The following STAG1 variants were observed in gnomAD, a reference collection of about 807,000 sequenced individuals.
The protein encoded by STAG1 is STAG1 cohesin complex component, also known as cohesin subunit SA-1.
A neutral mutation model predicts 170.9 loss-of-function variants in STAG1; 26 were observed. The ratio of observed to expected loss-of-function variants is 0.15; its 90% confidence interval spans 0.11 to 0.21. STAG1 has a LOEUF of 0.21. STAG1 is among the 10% of genes least tolerant of loss of function. The pLI is 1.00. For synonymous variants in STAG1, 514 were observed against 497.7 expected (o/e 1.03, Z -0.44); for missense variants, 964 against 1,509.5 (o/e 0.64, Z 5.99).
chr3:136,657,193 T>C (rs9839574), intron 1 of STAG1, among the ~76,000 whole-genome samples: 3,534 of 71,874 alleles, frequency 0.049, 41 homozygotes, highest in African/African-American at 0.084. Flanking sequence ...TTCTTTCTTT[T>C]TTTTTTTTTT....
chr3:136,512,225 T>A (rs833861), intron 7 of STAG1, among the ~76,000 whole-genome samples: 56,514 of 151,740 alleles, frequency 0.37, 13,104 homozygotes, highest in East Asian at 0.81. Context: ...AGGGTCAATT[T>A]AGCCCAGGAG....
intron 1 of STAG1, among the ~76,000 whole-genome samples, chr3:136,719,649 AGGTGGGTGGGTGGGTAGGTG>A (rs1321310165): frequency 5.3e-5 from 1 of 18,730 alleles, no homozygotes; most frequent in Non-Finnish European, 1.1e-4. Flanking sequence ...GTAGGTGGGT[AGGTGGGTGGGTGGGTAGGTG>A]GGTGGGTGGG....
chr3:136,421,023 G>T, intron 20 of STAG1, 70 bp downstream of exon 20: 2 of 882,352 alleles, frequency 2.3e-6, no homozygotes, highest in South Asian at 1.9e-5. Context: ...TGCCCATCTC[G>T]GCCTCTCAAA....
chr3:136,700,555 G>T (rs1943025404), intron 1 of STAG1, among the ~76,000 whole-genome samples: 1 of 150,576 alleles, frequency 6.6e-6, no homozygotes, highest in East Asian at 2.0e-4. Context: ...AAGCAGCTGG[G>T]ATTACAGGTG....
chr3:136,580,173 T>G lies in STAG1; in HGVS notation c.298-11312A>C, dbSNP rs562691753. ...TAGTAGAGATGAGGTTTCATCATGTTGGCCAGGATGGTCTTGATCTCTTGA... is the reference window on the plus strand; with the variant it reads ...TAGTAGAGATGAGGTTTCATCATGTGGGCCAGGATGGTCTTGATCTCTTGA... On this transcript the variant is annotated intron_variant, in intron 4 of 33. Coordinates refer to ENST00000383202, the MANE Select transcript of STAG1 (RefSeq NM_005862.3). 2.0e-5 allele frequency among the ~76,000 whole-genome samples: 3 copies of G among 152,174 alleles called. No homozygotes were observed. The East Asian group carries it at 5.8e-4, about 29-fold the overall frequency.
chr3:136,481,026 CAG>C (rs2089891514), intron 9 of STAG1, among the ~76,000 whole-genome samples: 1 of 118,548 alleles, frequency 8.4e-6, no homozygotes, highest in African/African-American at 3.0e-5. Flanking sequence ...CGTCTGCAAA[CAG>C]GGACAATTTG....
At chr3:136,551,502 ACTC>A (rs1936403166) in intron 5 of STAG1, among the ~76,000 whole-genome samples, 1 of 140,442 alleles carries the variant, frequency 7.1e-6, no homozygotes, top group South Asian at 2.2e-4. Flanking sequence ...CTACTCTAGA[ACTC>A]CTCAACTGAA....
At chr3:136,624,822 T>A (rs1047817019) in intron 2 of STAG1, among the ~76,000 whole-genome samples, 1 of 152,188 alleles carries the variant, frequency 6.6e-6, no homozygotes, top group Non-Finnish European at 1.5e-5. Flanking sequence ...AGGTGGGAAG[T>A]GACAAACAGT....
intron 6 of STAG1, among the ~76,000 whole-genome samples, chr3:136,537,480 TC>T (rs1935687843): frequency 6.6e-6 from 1 of 151,260 alleles, no homozygotes; most frequent in Admixed American, 6.6e-5. Context: ...CCTAATAGTG[TC>T]TTTTTTTTGT....
At chr3:136,463,848 T>C (rs1412802843) in intron 13 of STAG1, among the ~76,000 whole-genome samples, 1 of 146,002 alleles carries the variant, frequency 6.8e-6, no homozygotes, top group African/African-American at 2.5e-5. Flanking sequence ...TACATACATA[T>C]ATAAATATAT....
chr3:136,511,955 C>CT (rs1934084909), intron 7 of STAG1, among the ~76,000 whole-genome samples: 1 of 151,572 alleles, frequency 6.6e-6, no homozygotes, highest in Middle Eastern at 3.2e-3. Flanking sequence ...AACCATATCT[C>CT]TAAGAAAAAC....
intron 5 of STAG1, among the ~76,000 whole-genome samples, chr3:136,557,663 C>T (rs1400727432): frequency 6.6e-6 from 1 of 152,156 alleles, no homozygotes; most frequent in Non-Finnish European, 1.5e-5. Context: ...CTGCCTCAGC[C>T]TCCTGAGTAG....
At chr3:136,426,892 C>A (rs140072770) in intron 16 of STAG1, among the ~76,000 whole-genome samples, 12,388 of 151,996 alleles carry the variant, frequency 0.082, 1,669 homozygotes, top group African/African-American at 0.28. Context: ...CACGGTGAAA[C>A]CCTGCCTCTA....
intron 4 of STAG1, among the ~76,000 whole-genome samples, chr3:136,585,367 G>C (rs71336066): frequency 5.9e-5 from 9 of 152,142 alleles, no homozygotes; most frequent in African/African-American, 2.2e-4. Flanking sequence ...GTTGGAACCC[G>C]GGAGGCGGAG....
intron 13 of STAG1, among the ~76,000 whole-genome samples, chr3:136,454,430 C>T (rs762183218): frequency 7.9e-5 from 12 of 151,836 alleles, no homozygotes; most frequent in East Asian, 1.9e-4. Context: ...CCTGGCTGGA[C>T]GGCAATGGCA....
chr3:136,598,565 T>C (rs1487113817), intron 4 of STAG1, among the ~76,000 whole-genome samples: 1 of 152,100 alleles, frequency 6.6e-6, no homozygotes, highest in African/African-American at 2.4e-5. Flanking sequence ...TAGCTGGGAC[T>C]ATAGGCGCCC....
chr3:136,559,732 A>G (rs1936765286), intron 5 of STAG1, among the ~76,000 whole-genome samples: 2 of 152,238 alleles, frequency 1.3e-5, no homozygotes, highest in Admixed American at 1.3e-4. Flanking sequence ...TGCAATCTCA[A>G]CATCTGGTCC....
chr3:136,515,461 C>G lies in STAG1; in HGVS notation c.676+5752G>C, dbSNP rs892486074. Among the ~76,000 whole-genome samples, 16 of 152,164 alleles carry G rather than the reference C, an allele frequency of 1.1e-4. 1 individual carries two copies. In the South Asian group the frequency reaches 2.7e-3, roughly 26 times the overall value. ...TATTTCATCTATATGACTCAGGAAA[C>G]AAAAGATAAATTATTTCATTTAAGC... On this transcript the variant is annotated intron_variant, in intron 7 of 33. Coordinates refer to ENST00000383202, the MANE Select transcript of STAG1 (RefSeq NM_005862.3).
rs138972737 is a variant in STAG1, at chr3:136,723,108, C to T, written c.-84+29087G>A. On this transcript the variant is annotated intron_variant, in intron 1 of 33. Coordinates refer to ENST00000383202, the MANE Select transcript of STAG1 (RefSeq NM_005862.3). Reference sequence around the variant, plus strand: ...GCCGAGATTGCAGCCTCTGCCCGGCCGCAACGCCGTCTGGGAAGTGAGGAG... The same window carrying T: ...GCCGAGATTGCAGCCTCTGCCCGGCTGCAACGCCGTCTGGGAAGTGAGGAG... Among the ~76,000 whole-genome samples the T allele has an allele frequency of 5.8e-3, 884 of 152,334 alleles. 7 individuals carry two copies. The highest frequency in any genetic ancestry group is 0.01 in the Non-Finnish European group (698 of 68,030).
Sources: allele counts gnomAD v4.1 joint callset (sites outside exome capture counted in the v4.1 genomes callset), GRCh38; gene constraint gnomAD v4.1.1; transcripts MANE v1.5; gene names NCBI Gene and HGNC (gene_info 2026-07-23, HGNC 2026-07-21).